Variants in HS6ST2 observed in about 807,000 individuals in gnomAD.
The protein encoded by HS6ST2 is heparan-sulfate 6-O-sulfotransferase 2.
HS6ST2 carries 17 observed loss-of-function variants against 33.0 expected under a neutral mutation model. The observed-to-expected ratio is 0.52, with a 90% CI of 0.35 to 0.77. The LOEUF is 0.77. Ranked by LOEUF, HS6ST2 falls within the 30% of genes least tolerant of loss-of-function variation. The pLI is 0.01. For synonymous variants in HS6ST2, 248 were observed against 237.1 expected (o/e 1.05, Z -0.42); for missense variants, 519 against 551.7 (o/e 0.94, Z 0.59).
intron 2 of HS6ST2, among the ~76,000 whole-genome samples, chrX:132,797,587 T>C (rs980878289): frequency 8.9e-6 from 1 of 112,142 alleles, no homozygotes; most frequent in Non-Finnish European, 1.9e-5. Flanking sequence ...GGAGTGTGTG[T>C]ATGCACATGT....
At chrX:132,860,184 G>A (rs1343486180) in intron 2 of HS6ST2, among the ~76,000 whole-genome samples, 1 of 112,129 alleles carries the variant, frequency 8.9e-6, no homozygotes. Context: ...GCAAAATCTG[G>A]CTTGAATGAT....
intron 2 of HS6ST2, among the ~76,000 whole-genome samples, chrX:132,722,876 T>TA (rs1467616706): frequency 3.0e-5 from 1 of 33,375 alleles, no homozygotes; most frequent in Non-Finnish European, 5.7e-5. Context: ...ATGTTAAAAA[T>TA]AAAAAAACAA....
intron 2 of HS6ST2, among the ~76,000 whole-genome samples, chrX:132,939,087 T>C (rs1234259317): frequency 9.0e-6 from 1 of 110,880 alleles, no homozygotes; most frequent in Non-Finnish European, 1.9e-5. Context: ...AGCAAACAGA[T>C]GTCATGTGAC....
intron 3 of HS6ST2, among the ~76,000 whole-genome samples, chrX:132,674,113 G>A (rs1329309845): frequency 1.8e-5 from 2 of 111,343 alleles, no homozygotes; most frequent in South Asian, 3.8e-4. Flanking sequence ...TAATCACCTG[G>A]CAAAGATAGT....
chrX:132,939,920 G>C (rs191616610), intron 2 of HS6ST2, among the ~76,000 whole-genome samples: 2 of 111,257 alleles, frequency 1.8e-5, no homozygotes, highest in South Asian at 7.6e-4. Flanking sequence ...AATCCCAGCC[G>C]GCTTCTTTGT....
At chrX:132,894,770 A>G (rs111948682) in intron 2 of HS6ST2, among the ~76,000 whole-genome samples, 12,688 of 111,069 alleles carry the variant, frequency 0.11, 1,752 homozygotes, top group African/African-American at 0.39. Flanking sequence ...TCCTGACCTC[A>G]AGTGATCCAC....
chrX:132,939,668 C>A (rs1376798252), intron 2 of HS6ST2, among the ~76,000 whole-genome samples: 4 of 111,036 alleles, frequency 3.6e-5, no homozygotes, highest in African/African-American at 1.3e-4. Context: ...TAGCAATGAA[C>A]AATCCAAAAA....
intron 4 of HS6ST2, among the ~76,000 whole-genome samples, chrX:132,653,179 G>C (rs2063706571): frequency 9.0e-6 from 1 of 111,480 alleles, no homozygotes; most frequent in Non-Finnish European, 1.9e-5. Flanking sequence ...ATTTTTTAAA[G>C]TATTAGGGGA....
At chrX:132,806,763 A>C (rs1450956904) in intron 2 of HS6ST2, among the ~76,000 whole-genome samples, 1 of 110,108 alleles carries the variant, frequency 9.1e-6, no homozygotes, top group Non-Finnish European at 1.9e-5. Context: ...TATGAAAATC[A>C]TTGTTAGCTC....
At chrX:132,906,393 G>A (rs893605240) in intron 2 of HS6ST2, among the ~76,000 whole-genome samples, 17 of 112,155 alleles carry the variant, frequency 1.5e-4, no homozygotes, top group South Asian at 3.7e-4. Flanking sequence ...AACATTTATT[G>A]TAATAAATCC....
chrX:132,878,134 A>C (rs971274232), intron 2 of HS6ST2, among the ~76,000 whole-genome samples: 15 of 112,037 alleles, frequency 1.3e-4, no homozygotes, highest in African/African-American at 4.9e-4. Flanking sequence ...GACTAGGAAG[A>C]ATTAGGCATG....
intron 2 of HS6ST2, among the ~76,000 whole-genome samples, chrX:132,813,198 A>G (rs1286092196): frequency 9.0e-6 from 1 of 111,314 alleles, no homozygotes; most frequent in Non-Finnish European, 1.9e-5. Flanking sequence ...AACCTCTTTA[A>G]TTACTAAATT....
intron 3 of HS6ST2, among the ~76,000 whole-genome samples, chrX:132,692,272 C>T (rs902566796): frequency 9.0e-6 from 1 of 111,163 alleles, no homozygotes; most frequent in African/African-American, 3.3e-5. Flanking sequence ...TTCTTCCGCC[C>T]GGGTGACACA....
intron 4 of HS6ST2, among the ~76,000 whole-genome samples, chrX:132,660,391 A>T (rs752779887): frequency 8.9e-5 from 10 of 111,819 alleles, no homozygotes; most frequent in Non-Finnish European, 1.5e-4. Context: ...GGCAGTAATT[A>T]GGCTCCAGCA....
intron 4 of HS6ST2, among the ~76,000 whole-genome samples, chrX:132,633,110 G>A (rs1172180851): frequency 1.9e-5 from 2 of 107,190 alleles, no homozygotes; most frequent in African/African-American, 6.8e-5. Context: ...GTCAAGGAGA[G>A]AGGAAAGGAG....
chrX:132,722,804 T>C (rs1191016251), intron 2 of HS6ST2, among the ~76,000 whole-genome samples: 1 of 109,308 alleles, frequency 9.1e-6, no homozygotes, highest in African/African-American at 3.3e-5. Context: ...GTAGAATCAT[T>C]GTGCTGTGAA....
chrX:132,811,236 T>C (rs1446708544), intron 2 of HS6ST2, among the ~76,000 whole-genome samples: 1 of 111,275 alleles, frequency 9.0e-6, no homozygotes, highest in African/African-American at 3.3e-5. Context: ...AGGTGTCTGC[T>C]CTGGATTTGC....
chrX:132,775,502 T>C (rs1227215261), intron 2 of HS6ST2, among the ~76,000 whole-genome samples: 1 of 112,088 alleles, frequency 8.9e-6, no homozygotes, highest in Non-Finnish European at 1.9e-5. Flanking sequence ...AAAGGGTACA[T>C]TGAGTATTTC....
chrX:132,868,978 C>G (rs1384821747), intron 2 of HS6ST2, among the ~76,000 whole-genome samples: 1 of 94,639 alleles, frequency 1.1e-5, no homozygotes, highest in African/African-American at 4.1e-5. Context: ...TTCAAAAAAT[C>G]AATGAATCCA....
Sources: gnomAD v4.1 joint callset for allele counts (sites outside exome capture counted in the v4.1 genomes callset) on GRCh38, gnomAD v4.1.1 for gene constraint, MANE v1.5 for transcripts, NCBI Gene and HGNC (gene_info 2026-07-23, HGNC 2026-07-21) for gene names.